The following SYNE2 variants were observed in gnomAD, a reference collection of about 807,000 sequenced individuals.
SYNE2 encodes spectrin repeat containing nuclear envelope protein 2.
In SYNE2, 431 loss-of-function variants were observed where a neutral mutation model predicts 856.3. The observed-to-expected ratio is 0.50, with a 90% confidence interval of 0.47 to 0.55. The LOEUF is 0.55. Among genes scored for constraint, SYNE2 ranks in the 20% least tolerant of loss-of-function variants. The probability of loss-of-function intolerance (pLI) is 0.00; values close to 1 mark genes in which losing one functional copy is unlikely to be tolerated. For missense variants in SYNE2, 8,129 were observed against 8,023.2 expected (o/e 1.01, Z -0.50); for synonymous variants, 2,923 against 2,872.3 (o/e 1.02, Z -0.56).
At chr14:63,870,404 A>G (rs1015179946) in intron 1 of SYNE2, among the ~76,000 whole-genome samples, 1 of 137,426 alleles carries the variant, frequency 7.3e-6, no homozygotes, top group Non-Finnish European at 1.5e-5. Flanking sequence ...ATTCTAGATA[A>G]TACTACAGTG....
intron 51 of SYNE2, among the ~76,000 whole-genome samples, chr14:64,067,068 A>G (rs2097363609): frequency 1.3e-5 from 2 of 152,304 alleles, no homozygotes; most frequent in Middle Eastern, 3.4e-3. Context: ...ATTTTATCAC[A>G]TTATTGCTAT....
rs912283507 is a variant in SYNE2, at chr14:63,895,864, C to G, written c.-51-13234C>G. On this transcript the variant is annotated intron_variant, in intron 1 of 115. Coordinates refer to ENST00000555002, the MANE Select transcript of SYNE2 (RefSeq NM_182914.3). ...ATTACAATTTTGTAATTTCAACATG[C>G]TACATACTAAATGAGATAATCATCT... 6.6e-5 allele frequency among the ~76,000 whole-genome samples: 10 copies of G among 150,758 alleles called. 1 individual carries two copies. The highest frequency in any genetic ancestry group is 5.3e-4 in the Admixed American group (8 of 15,176).
At chr14:64,174,151 A>G (rs1474259252) in intron 94 of SYNE2, 1 of 401,664 alleles carries the variant, frequency 2.5e-6, no homozygotes, top group Non-Finnish European at 4.4e-6. Flanking sequence ...GGCTCACTGC[A>G]ATCTCTGCCT....
intron 84 of SYNE2, among the ~76,000 whole-genome samples, chr14:64,150,102 C>T (rs1237924328): frequency 7.0e-6 from 1 of 142,866 alleles, no homozygotes; most frequent in Non-Finnish European, 1.5e-5. Flanking sequence ...GCCTTGAGCT[C>T]CTAGGCTTAA....
Position 64,213,003 on chromosome 14 carries a change from C to T in SYNE2, c.19054C>T (p.Pro6352Ser), listed in dbSNP as rs754611323. 6.2e-7 allele frequency: 1 copy of T among 1,613,056 alleles called. No individual in the cohort carries two copies. Among genetic ancestry groups the T allele is most frequent in the Non-Finnish European group, 8.5e-7 (1 of 1,179,924 alleles). The change falls in exon 105 of 116, where the codon CCG (proline) becomes TCG (serine). Residue 6352 changes from proline (P) to serine (S), a missense_variant and splice_region_variant. This residue lies in a region of SYNE2 where 5,410 missense variants were observed against 5,284.8 expected (regional missense o/e 1.02). Coordinates refer to ENST00000555002, the MANE Select transcript of SYNE2 (RefSeq NM_182914.3). ...CCACCGGCGGCTCACCTCCTGCACT[C>T]CGGTACGGGCACTGCTGCCTAGAAA... is the stretch of plus-strand genomic sequence containing the variant. Reference protein sequence around the residue: ...RFHRRLTSCTPGLEDEKEASE... With the variant: ...RFHRRLTSCTSGLEDEKEASE...
intron 1 of SYNE2, among the ~76,000 whole-genome samples, chr14:63,866,442 C>T (rs1377127039): frequency 3.9e-5 from 6 of 152,178 alleles, no homozygotes; most frequent in African/African-American, 1.4e-4. Context: ...GTGGGAAAAT[C>T]GCTTGAGCCC....
At chr14:63,912,791 T>A (rs1033270300) in intron 2 of SYNE2, among the ~76,000 whole-genome samples, 1 of 152,232 alleles carries the variant, frequency 6.6e-6, no homozygotes, top group Admixed American at 6.5e-5. Context: ...GTACAGGGCC[T>A]AAAAGGAATC....
intron 55 of SYNE2, among the ~76,000 whole-genome samples, chr14:64,079,587 C>A (rs1024361429): frequency 6.6e-6 from 1 of 152,134 alleles, no homozygotes; most frequent in Non-Finnish European, 1.5e-5. Flanking sequence ...TTTCCTCTGC[C>A]CAGCGAAGTT....
chr14:63,857,951 T>C (rs1364278504), intron 1 of SYNE2, among the ~76,000 whole-genome samples: 1 of 152,152 alleles, frequency 6.6e-6, no homozygotes, highest in Non-Finnish European at 1.5e-5. Context: ...TTGGGTAATT[T>C]ATAATGAACA....
chr14:64,051,652 A>C lies in SYNE2; in HGVS notation c.7739A>C (p.Lys2580Thr). The part of the protein sequence containing the change: ...EKDSLGNLKI[K>T]WENLSNHVTD... The stretch of plus-strand genomic sequence containing the variant: ...GATTCTTTAGGCAACTTGAAAATCA[A>C]ATGGGAGAATTTATCAAACCACGTG... The change falls in exon 48 of 116, where the codon AAA (lysine) becomes ACA (threonine). Residue 2580 changes from lysine to threonine, a missense_variant. Lys to Thr is a moderately conservative substitution (Grantham distance 78, BLOSUM62 -1). This residue lies in a region of SYNE2 where 5,410 missense variants were observed against 5,284.8 expected (regional missense o/e 1.02). Coordinates refer to ENST00000555002, the MANE Select transcript of SYNE2 (RefSeq NM_182914.3). 1 of 1,614,230 alleles carries C rather than the reference A, an allele frequency of 6.2e-7. No individual in the cohort carries two copies. The highest frequency in any genetic ancestry group is 8.5e-7 in the Non-Finnish European group (1 of 1,180,020).
chr14:64,168,276 G>A (rs897659765), intron 92 of SYNE2, among the ~76,000 whole-genome samples: 2 of 152,112 alleles, frequency 1.3e-5, no homozygotes, highest in African/African-American at 4.8e-5. Flanking sequence ...GCTAATTTTT[G>A]TATTTTTAGT....
intron 19 of SYNE2, 63 bp downstream of exon 19, chr14:63,986,680 TAAG>T (rs1290734416): frequency 1.9e-6 from 3 of 1,562,558 alleles, no homozygotes; most frequent in East Asian, 2.2e-5. Flanking sequence ...TTAAGTTAAA[TAAG>T]AAGTTTTAAA....
chr14:63,923,073 AAT>A (rs1325964270), intron 2 of SYNE2, among the ~76,000 whole-genome samples: 1 of 152,230 alleles, frequency 6.6e-6, no homozygotes, highest in Non-Finnish European at 1.5e-5. Flanking sequence ...AGGAGTAACA[AAT>A]ATGTGTTAAA....
At chr14:64,214,131 T>G in intron 105 of SYNE2, 63 bp from the exon 106 acceptor site, 1 of 1,613,514 alleles carries the variant, frequency 6.2e-7, no homozygotes, top group Non-Finnish European at 8.5e-7. Flanking sequence ...AGACTTCTCA[T>G]GCTCTTCTAA....
Position 64,119,477 on chromosome 14 carries a change from C to T in SYNE2, c.12891C>T (p.Cys4297=), listed in dbSNP as rs777623237. 3.7e-6 allele frequency: 6 copies of T among 1,614,198 alleles called. No individual in the cohort carries two copies. Among genetic ancestry groups the T allele is most frequent in the South Asian group, 3.3e-5 (3 of 91,080 alleles). The part of the protein sequence containing the change: ...EHKVAFLLET[C]KDQGLGDNGA... The stretch of plus-strand genomic sequence containing the variant: ...AGGTTGCCTTTCTGTTAGAGACTTG[C>T]AAAGATCAGGGCCTGGGAGATAATG... Residue 4297 remains cysteine, a synonymous_variant, in exon 67 of 116, where the codon TGC becomes TGT. Coordinates refer to ENST00000555002, the MANE Select transcript of SYNE2 (RefSeq NM_182914.3).
intron 13 of SYNE2, among the ~76,000 whole-genome samples, chr14:63,978,614 A>G (rs2096562722): frequency 6.6e-6 from 1 of 152,154 alleles, no homozygotes; most frequent in Admixed American, 6.5e-5. Flanking sequence ...TCAGTCGGAG[A>G]ATAGTTTATT....
At chr14:63,850,751 T>C (rs762762560), upstream of SYNE2, among the ~76,000 whole-genome samples, 7 of 152,192 alleles carry the variant, frequency 4.6e-5, no homozygotes, top group African/African-American at 7.2e-5. Context: ...CATTGTATTC[T>C]GGACTCTTTA....
chr14:63,917,508 T>C (rs1021923625), intron 2 of SYNE2, among the ~76,000 whole-genome samples: 3 of 152,234 alleles, frequency 2.0e-5, no homozygotes, highest in Admixed American at 6.5e-5. Context: ...TTCACTCTTA[T>C]TGCCCAGGCT....
At chr14:64,046,562 A>G (rs899582133) in intron 45 of SYNE2, among the ~76,000 whole-genome samples, 4 of 152,176 alleles carry the variant, frequency 2.6e-5, no homozygotes, top group African/African-American at 9.7e-5. Context: ...CGTGTTACCC[A>G]TGGTGAACTC....
Sources: gnomAD v4.1 joint callset for allele counts (sites outside exome capture counted in the v4.1 genomes callset) on GRCh38, gnomAD v4.1.1 for gene constraint, gnomAD v4.1.1 regional missense constraint, MANE v1.5 for transcripts, NCBI Gene and HGNC (gene_info 2026-07-23, HGNC 2026-07-21) for gene names.